Variants in DYNC1H1 observed in about 807,000 individuals in gnomAD.
DYNC1H1 encodes dynein cytoplasmic 1 heavy chain 1.
Under a neutral mutation model 527.1 loss-of-function variants are expected in DYNC1H1, and 51 were observed. The observed-to-expected ratio is 0.10, with a 90% CI of 0.08 to 0.12. DYNC1H1 has a LOEUF of 0.12. Among genes scored for constraint, DYNC1H1 ranks in the 10% least tolerant of loss-of-function variants. The pLI is 1.00. For synonymous variants in DYNC1H1, 2,189 were observed against 2,278.8 expected, an observed-to-expected ratio of 0.96 and a Z score of 1.12; for missense variants, 2,771 against 5,971.8, an observed-to-expected ratio of 0.46 and a Z score of 17.66.
At chr14:101,989,580 A>C (rs1857260069) in intron 10 of DYNC1H1, among the ~76,000 whole-genome samples, 1 of 152,248 alleles carries the variant, frequency 6.6e-6, no homozygotes, top group Non-Finnish European at 1.5e-5. Context: ...TATATTTACC[A>C]ATAAAAAGGA....
At chr14:102,003,964 C>T (rs976808550) in intron 23 of DYNC1H1, among the ~76,000 whole-genome samples, 2 of 141,092 alleles carry the variant, frequency 1.4e-5, no homozygotes, top group Admixed American at 1.4e-4. Context: ...CTTACTGGCC[C>T]GGCGCGGTGG....
intron 12 of DYNC1H1, 88 bp from the exon 13 acceptor site, chr14:101,994,585 C>T: frequency 6.5e-7 from 1 of 1,535,754 alleles, no homozygotes; most frequent in South Asian, 1.2e-5. Context: ...AGACATGAAC[C>T]TTCTTAATGG....
chr14:101,992,609 C>A (rs979562272), intron 11 of DYNC1H1, among the ~76,000 whole-genome samples: 1 of 152,194 alleles, frequency 6.6e-6, no homozygotes, highest in Non-Finnish European at 1.5e-5. Flanking sequence ...GGTCTTCTTT[C>A]AGCACCTAAA....
intron 43 of DYNC1H1, 68 bp from the exon 44 acceptor site, chr14:102,026,506 C>G: frequency 6.4e-7 from 1 of 1,555,014 alleles, no homozygotes; most frequent in South Asian, 1.1e-5. Flanking sequence ...TGTGGACATA[C>G]AGTTGACTTT....
rs1427105286 is a variant in DYNC1H1, at chr14:101,983,776, C to T, written c.1461+167C>T. 6.6e-6 allele frequency among the ~76,000 whole-genome samples: 1 copy of T among 151,720 alleles called. No individual in the cohort carries two copies. Among genetic ancestry groups the T allele is most frequent in the Non-Finnish European group, 1.5e-5 (1 of 68,014 alleles). The stretch of plus-strand genomic sequence containing the variant: ...CACTGCAACCTCCGCCTTCTGGGTT[C>T]AAGCGATTCTCCTGCCTCAGCCTCT... On this transcript the variant is annotated intron_variant, in intron 7 of 77. Transcript: ENST00000360184. The surrounding 1 kb of genome is among the most constrained non-coding windows in gnomAD (Gnocchi z 5.3).
rs1595615449 is a variant in DYNC1H1, at chr14:102,012,689, A to G, written c.7014+219A>G. On this transcript the variant is annotated intron_variant, in intron 34 of 77. Transcript: ENST00000360184. This position sits in a 1 kb window ranked among gnomAD's most constrained non-coding sequence, Gnocchi z 4.9. ...TAATAGGTTTTATTGATGGCTTTCT[A>G]TCATTTATTGAGTAATAAGCACACT... 5 of 617,850 alleles carry G rather than the reference A, an allele frequency of 8.1e-6. No homozygotes were observed. Among genetic ancestry groups the G allele is most frequent in the Middle Eastern group, 4.4e-4 (1 of 2,248 alleles). The allele number at this position is 617,850 out of a possible 1,614,324, so 38.3% of individuals were successfully genotyped here.
rs2048607056 is a variant in DYNC1H1, at chr14:102,038,716, C to T, written c.11074C>T (p.Leu3692Phe). The T allele has an allele frequency of 6.2e-7, 1 of 1,614,104 alleles. No homozygotes were observed. The highest frequency in any genetic ancestry group is 8.5e-7 in the Non-Finnish European group (1 of 1,180,050). The change falls in exon 59 of 78, where the codon CTC becomes TTC. Residue 3692 changes from leucine to phenylalanine, a missense_variant. By Grantham distance (22) the Leu-to-Phe change is conservative. Coordinates refer to ENST00000360184, the MANE Select transcript of DYNC1H1 (RefSeq NM_001376.5). The surrounding 1 kb of genome is among the most constrained non-coding windows in gnomAD (Gnocchi z 7.2). ...RDPTVEFPPD[L>F]CSRVTFVNFT... ...TTGGCAGGTCGAGTTCCCACCAGATCTCTGTTCCCGGGTTACTTTTGTAAA... is the reference window on the plus strand; with the variant it reads ...TTGGCAGGTCGAGTTCCCACCAGATTTCTGTTCCCGGGTTACTTTTGTAAA...
At chr14:101,998,081 C>T (rs556804922) in intron 16 of DYNC1H1, among the ~76,000 whole-genome samples, 2 of 152,282 alleles carry the variant, frequency 1.3e-5, no homozygotes, top group East Asian at 1.9e-4. Flanking sequence ...TTATTTTTTG[C>T]TCCCTTTGTT....
At chr14:102,028,650 G>A (rs1038727642) in intron 48 of DYNC1H1, 8 of 203,618 alleles carry the variant, frequency 3.9e-5, no homozygotes, top group African/African-American at 1.4e-4. Flanking sequence ...TTCTGGAGCC[G>A]TCTAACACTT....
chr14:101,984,671 G>A (rs1205975164), intron 7 of DYNC1H1, among the ~76,000 whole-genome samples: 2 of 150,520 alleles, frequency 1.3e-5, no homozygotes. Context: ...GGTGGCTCAC[G>A]CCTGTAATCC....
At position 102,050,701 on chromosome 14, in the gene DYNC1H1, G is replaced by T; in HGVS notation, c.*138G>T. Reference sequence around the variant, plus strand: ...TGGAGGAAGCTGAATGGAATCTGACGGTTGGGAGTGGTGGAAATTGGAAGG... The same window carrying T: ...TGGAGGAAGCTGAATGGAATCTGACTGTTGGGAGTGGTGGAAATTGGAAGG... On this transcript the variant is annotated 3_prime_UTR_variant, in exon 78 of 78. Coordinates refer to ENST00000360184, the MANE Select transcript of DYNC1H1 (RefSeq NM_001376.5). 7.3e-7 allele frequency: 1 copy of T among 1,370,902 alleles called. No homozygotes were observed. The highest frequency in any genetic ancestry group is 1.0e-6 in the Non-Finnish European group (1 of 985,476). The allele number at this position is 1,370,902 out of a possible 1,614,324, so 84.9% of individuals were successfully genotyped here.
chr14:102,029,726 A>G lies in DYNC1H1; in HGVS notation c.9642+14A>G, dbSNP rs1460927396. 6.2e-7 allele frequency: 1 copy of G among 1,614,178 alleles called. No homozygotes were observed. The highest frequency in any genetic ancestry group is 2.2e-5 in the East Asian group (1 of 44,884). On this transcript the variant is annotated intron_variant, in intron 49 of 77. Transcript: ENST00000360184. The surrounding 1 kb of genome is among the most constrained non-coding windows in gnomAD (Gnocchi z 5.3). ...ACAGTCGACCAGGTGCGTCACAGGCACAAATTCCTCACGGGAGTGAGCTGC... is the reference window on the plus strand; with the variant it reads ...ACAGTCGACCAGGTGCGTCACAGGCGCAAATTCCTCACGGGAGTGAGCTGC...
rs1183074544 is a variant in DYNC1H1 at position 101,965,422 on chromosome 14, A to G, written c.256+475A>G. 6.6e-6 allele frequency among the ~76,000 whole-genome samples: 1 copy of G among 152,028 alleles called. No individual in the cohort carries two copies. Among genetic ancestry groups the G allele is most frequent in the Non-Finnish European group, 1.5e-5 (1 of 67,996 alleles). On this transcript the variant is annotated intron_variant, in intron 1 of 77. Transcript: ENST00000360184. This position sits in a 1 kb window ranked among gnomAD's most constrained non-coding sequence, Gnocchi z 4.1. ...CCAAGCCAAGTGGCCTTCGGGAGGG[A>G]TGTGTCGGGGGCAGACCCGCGGAGC...
At chr14:101,973,223 A>G (rs1395876539) in intron 1 of DYNC1H1, among the ~76,000 whole-genome samples, 1 of 149,854 alleles carries the variant, frequency 6.7e-6, no homozygotes, top group African/African-American at 2.5e-5. Flanking sequence ...TTTGAGATCA[A>G]TCTCAGCTCA....
rs1182772297 is a variant in DYNC1H1, at chr14:101,980,256, TCTA to T, written c.775-105_775-103del. On this transcript the variant is annotated intron_variant, in intron 4 of 77. Transcript: ENST00000360184. Reference sequence around the variant, plus strand: ...CACTTTTGATTTACAGGGAAGGAAATCTACTTGAAATATAAAAATTGAGTTGTA... The same window carrying T: ...CACTTTTGATTTACAGGGAAGGAAATCTTGAAATATAAAAATTGAGTTGTA... 3 of 1,395,246 alleles carry T rather than the reference TCTA, an allele frequency of 2.2e-6. No individual in the cohort carries two copies. In the African/African-American group the frequency reaches 4.3e-5, roughly 20 times the overall value. 86.4% of individuals were successfully genotyped at this position (1,395,246 alleles called of 1,614,324 possible).
intron 43 of DYNC1H1, 137 bp downstream of exon 43, chr14:102,023,017 C>A: frequency 7.3e-7 from 1 of 1,363,804 alleles, no homozygotes. Flanking sequence ...AATCCCAGCA[C>A]TTTGGGAGGC....
Position 102,016,045 on chromosome 14 carries a change from G to A in DYNC1H1, c.7432G>A (p.Asp2478Asn), listed in dbSNP as rs752165315. 6.2e-6 allele frequency: 10 copies of A among 1,613,174 alleles called. No homozygotes were observed. Among genetic ancestry groups the A allele is most frequent in the South Asian group, 1.1e-5 (1 of 90,982 alleles). Residue 2478 changes from aspartate (D) to asparagine (N), a missense_variant, in exon 36 of 78, where the codon GAC (aspartate) becomes AAC (asparagine). Coordinates refer to ENST00000360184, the MANE Select transcript of DYNC1H1 (RefSeq NM_001376.5). The surrounding 1 kb of genome is among the most constrained non-coding windows in gnomAD (Gnocchi z 7.3). Reference protein sequence around the residue: ...NVAQYNANHPDFPMQIEQLER... With the variant: ...NVAQYNANHPNFPMQIEQLER... ...GGCGCAGTATAACGCCAACCATCCCGACTTCCCCATGCAGATCGAGCAGCT... is the reference window on the plus strand; with the variant it reads ...GGCGCAGTATAACGCCAACCATCCCAACTTCCCCATGCAGATCGAGCAGCT...
At position 102,044,073 on chromosome 14, in the gene DYNC1H1, A is replaced by G; in HGVS notation, c.12684+28A>G. 1 of 1,612,200 alleles carries G rather than the reference A, an allele frequency of 6.2e-7. No homozygotes were observed. On this transcript the variant is annotated intron_variant, in intron 70 of 77. Coordinates refer to ENST00000360184, the MANE Select transcript of DYNC1H1 (RefSeq NM_001376.5). The surrounding 1 kb of genome is among the most constrained non-coding windows in gnomAD (Gnocchi z 7.1). ...AAGTGTGGGCCATGCCAGGACAGAC[A>G]GTGGACGTGTATCTGGGAAGGATGC...
At chr14:102,034,614 C>A in intron 56 of DYNC1H1, 162 bp downstream of exon 56, 1 of 1,154,672 alleles carries the variant, frequency 8.7e-7, no homozygotes, top group Non-Finnish European at 1.3e-6. Context: ...GTGTGCTGTT[C>A]TCGTTATTGT....
Sources: gnomAD v4.1 joint callset for allele counts (sites outside exome capture counted in the v4.1 genomes callset) on GRCh38, gnomAD v4.1.1 for gene constraint, Gnocchi (gnomAD v3.1) non-coding constraint, MANE v1.5 for transcripts, NCBI Gene and HGNC (gene_info 2026-07-23, HGNC 2026-07-21) for gene names.